Variants in HS1BP3 observed in about 807,000 individuals in gnomAD.
The protein encoded by HS1BP3 is HCLS1 binding protein 3, also known as HCLS1-binding protein 3.
Under a neutral mutation model 33.5 loss-of-function variants are expected in HS1BP3, and 32 were observed. That is an observed-to-expected ratio of 0.95 (90% CI 0.72 to 1.28). The LOEUF (loss-of-function observed/expected upper bound fraction) is 1.28, where lower values mean the gene tolerates loss of function less well. HS1BP3 is among the 50% of genes most tolerant of loss of function. HS1BP3 has a pLI of 0.00. For missense variants in HS1BP3, 486 were observed against 502.3 expected, an observed-to-expected ratio of 0.97 and a Z score of 0.31; for synonymous variants, 187 against 209.2, an observed-to-expected ratio of 0.89 and a Z score of 0.92.
At position 20,576,908 on chromosome 2, in the gene HS1BP3, C is replaced by A. The variant is rs543328732; in HGVS notation, c.303-16393G>T. ...AGAATTGAAGGACACCTAGTCATAT[C>A]CTTTTGGTCAGTGGCAAACAAATGA... is the stretch of plus-strand genomic sequence containing the variant. On this transcript the variant is annotated intron_variant, in intron 5 of 5. Transcript: ENST00000446825. Among the ~76,000 whole-genome samples, 3 of 152,346 alleles carry A rather than the reference C, an allele frequency of 2.0e-5. No individual in the cohort carries two copies. In the South Asian group the frequency reaches 6.2e-4, roughly 32 times the overall value.
chr2:20,593,164 G>A (rs1368368269), intron 3 of HS1BP3, among the ~76,000 whole-genome samples: 2 of 148,640 alleles, frequency 1.3e-5, no homozygotes, highest in African/African-American at 2.5e-5. Flanking sequence ...GGGTCCACAC[G>A]CTTCCTCCAT....
chr2:20,606,201 T>C, intron 2 of HS1BP3: 1 of 195,184 alleles, frequency 5.1e-6, no homozygotes, highest in East Asian at 1.3e-4. Flanking sequence ...TTTTGACTAA[T>C]GATTTCACTG....
At chr2:20,621,956 G>T (rs1032351656) in intron 6 of HS1BP3, among the ~76,000 whole-genome samples, 1 of 152,194 alleles carries the variant, frequency 6.6e-6, no homozygotes, top group Non-Finnish European at 1.5e-5. Flanking sequence ...GTCAACCAGT[G>T]GGGGGTAAGG....
intron 6 of HS1BP3, among the ~76,000 whole-genome samples, chr2:20,621,660 G>A (rs865999516): frequency 3.9e-5 from 6 of 152,254 alleles, no homozygotes; most frequent in East Asian, 1.9e-4. Flanking sequence ...TCAAATAGGG[G>A]CCCTTTGGAA....
At chr2:20,650,761 C>A (rs369667448) in intron 1 of HS1BP3, among the ~76,000 whole-genome samples, 2 of 152,242 alleles carry the variant, frequency 1.3e-5, no homozygotes, top group African/African-American at 4.8e-5. Context: ...CCCCACTGCG[C>A]CCGCCTGCAC....
rs1694316329 is a variant in HS1BP3 at position 20,611,427 on chromosome 2, C to T, written c.178+12469G>A. 6.6e-6 allele frequency among the ~76,000 whole-genome samples: 1 copy of T among 152,148 alleles called. No individual in the cohort carries two copies. ...GCCTGACCATGGGCCGCTGGGACTG[C>T]CAGAAACCTCTCTCCACTTGACCAC... On this transcript the variant is annotated intron_variant, in intron 2 of 3. Transcript: ENST00000415264. This position sits in a 1 kb window ranked among gnomAD's most constrained non-coding sequence, Gnocchi z 4.9.
intron 5 of HS1BP3, among the ~76,000 whole-genome samples, chr2:20,583,753 C>A (rs1693615398): frequency 6.6e-6 from 1 of 152,168 alleles, no homozygotes; most frequent in African/African-American, 2.4e-5. Flanking sequence ...GGCCCCCAAG[C>A]CCTCAGAGGA....
chr2:20,592,129 T>TCTCCTCTGCCTGAGCCC (rs1693829954), downstream of HS1BP3, among the ~76,000 whole-genome samples: 1 of 116,196 alleles, frequency 8.6e-6, no homozygotes, highest in Admixed American at 9.6e-5. Flanking sequence ...TGAGCCCCTC[T>TCTCCTCTGCCTGAGCCC]CTCACATACG....
At chr2:20,631,453 T>C in intron 4 of HS1BP3, among the ~76,000 whole-genome samples, 1 of 138,824 alleles carries the variant, frequency 7.2e-6, no homozygotes, top group African/African-American at 2.7e-5. Flanking sequence ...AGGTTGAAGC[T>C]GTAGTTAGCT....
At chr2:20,570,283 C>T (rs1331003682) in intron 5 of HS1BP3, among the ~76,000 whole-genome samples, 1 of 152,188 alleles carries the variant, frequency 6.6e-6, no homozygotes, top group Non-Finnish European at 1.5e-5. Flanking sequence ...ATTTTTCCAA[C>T]TTTATAGAAT....
chr2:20,623,783 TG>T, intron 6 of HS1BP3, 112 bp downstream of exon 6: 3 of 1,255,268 alleles, frequency 2.4e-6, no homozygotes, highest in East Asian at 2.6e-5. Flanking sequence ...TTCACAGGCC[TG>T]GGGTCCTCCC....
chr2:20,588,789 G>A (rs1052275524), downstream of HS1BP3, among the ~76,000 whole-genome samples: 13 of 152,216 alleles, frequency 8.5e-5, no homozygotes, highest in African/African-American at 2.9e-4. Context: ...CATGTGAGGC[G>A]AAGGCACAGG....
At chr2:20,648,069 A>G (rs1243481414) in intron 1 of HS1BP3, among the ~76,000 whole-genome samples, 1 of 152,176 alleles carries the variant, frequency 6.6e-6, no homozygotes, top group East Asian at 1.9e-4. Flanking sequence ...ACCTTCTACC[A>G]GGGCAGCGGC....
At chr2:20,601,770 C>CTTTTTTTTTTT (rs35644786) in intron 2 of HS1BP3, among the ~76,000 whole-genome samples, 1 of 69,150 alleles carries the variant, frequency 1.4e-5, no homozygotes, top group Non-Finnish European at 2.5e-5. Context: ...AGTGTGTCTT[C>CTTTTTTTTTTT]TTTTTTTTTT....
intron 3 of HS1BP3, among the ~76,000 whole-genome samples, chr2:20,639,586 C>A (rs7586298): frequency 6.6e-6 from 1 of 152,054 alleles, no homozygotes; most frequent in African/African-American, 2.4e-5. Context: ...ATGACGATAT[C>A]GTATTATGTG....
At chr2:20,613,600 C>T (rs1444097784), downstream of HS1BP3, among the ~76,000 whole-genome samples, 2 of 152,234 alleles carry the variant, frequency 1.3e-5, no homozygotes, top group East Asian at 3.8e-4. Flanking sequence ...AGTCATTTCA[C>T]TATTTAATAA....
rs1694728561 is a variant in HS1BP3 at position 20,624,905 on chromosome 2, A to T, written c.624-13T>A. The T allele has an allele frequency of 3.7e-6, 6 of 1,613,282 alleles. No individual in the cohort carries two copies. The East Asian group carries it at 1.3e-4, about 36-fold the overall frequency. ...GGGCTTCTTGGAGCTGGAGAATCAC[A>T]GACAAAGCACAAGGTGAGGATTTCC... On this transcript the variant is annotated splice_polypyrimidine_tract_variant and intron_variant, in intron 4 of 6. Transcript: ENST00000304031.
At chr2:20,619,613 C>T (rs991955407) in intron 6 of HS1BP3, among the ~76,000 whole-genome samples, 2 of 152,224 alleles carry the variant, frequency 1.3e-5, no homozygotes, top group Non-Finnish European at 2.9e-5. Context: ...ACAGAGTTCC[C>T]GCTCTGTACA....
chr2:20,624,838 G>A lies in HS1BP3; in HGVS notation c.678C>T (p.Pro226=). The A allele has an allele frequency of 3.1e-6, 5 of 1,613,882 alleles. No individual in the cohort carries two copies. The highest frequency in any genetic ancestry group is 4.2e-6 in the Non-Finnish European group (5 of 1,179,962). ...CCTCCTCGTCAAAGATGGTGAGCCGGGGCGAGGGCTTGGCTTTCACGGCCA... is the reference window on the plus strand; with the variant it reads ...CCTCCTCGTCAAAGATGGTGAGCCGAGGCGAGGGCTTGGCTTTCACGGCCA... ...PKVAVKAKPS[P]RLTIFDEEVD... The change falls in exon 5 of 7, where the codon CCC becomes CCT. Residue 226 remains proline (P), a synonymous_variant. Transcript: ENST00000304031.
Sources: gnomAD v4.1 joint callset for allele counts (sites outside exome capture counted in the v4.1 genomes callset) on GRCh38, gnomAD v4.1.1 for gene constraint, Gnocchi (gnomAD v3.1) non-coding constraint, MANE v1.5 for transcripts, NCBI Gene and HGNC (gene_info 2026-07-23, HGNC 2026-07-21) for gene names.